RGS6: variants seen among roughly 807,000 people sequenced by gnomAD.
RGS6 encodes regulator of G protein signaling 6.
Under a neutral mutation model 78.5 loss-of-function variants are expected in RGS6, and 30 were observed. The ratio of observed to expected loss-of-function variants is 0.38; its 90% CI spans 0.29 to 0.52. The LOEUF is 0.52. Ranked by LOEUF, RGS6 falls within the 20% of genes least tolerant of loss-of-function variation. RGS6 has a pLI of 0.85. For synonymous variants in RGS6, 206 were observed against 206.0 expected (o/e 1.00, Z 0.00); for missense variants, 495 against 609.7 (o/e 0.81, Z 1.98).
intron 2 of RGS6, among the ~76,000 whole-genome samples, chr14:72,151,339 C>A (rs542126774): frequency 6.6e-6 from 1 of 152,154 alleles, no homozygotes; most frequent in African/African-American, 2.4e-5. Context: ...AAACAGATTG[C>A]GCATGTAATT....
chr14:72,509,741 T>C (rs1196621426), intron 13 of RGS6, among the ~76,000 whole-genome samples: 2 of 152,090 alleles, frequency 1.3e-5, no homozygotes, highest in African/African-American at 2.4e-5. Flanking sequence ...CCCCTGAGGA[T>C]TGAGGAAGGG....
intron 2 of RGS6, among the ~76,000 whole-genome samples, chr14:72,071,365 C>T (rs553776345): frequency 1.3e-5 from 2 of 152,276 alleles, no homozygotes; most frequent in African/African-American, 2.4e-5. Flanking sequence ...AGAACACTCT[C>T]GTACATGTCT....
chr14:72,286,913 A>G (rs1249488253), intron 2 of RGS6, among the ~76,000 whole-genome samples: 1 of 151,814 alleles, frequency 6.6e-6, no homozygotes, highest in Non-Finnish European at 1.5e-5. Flanking sequence ...CCTCCCAAGT[A>G]GCTGGGATTA....
upstream of RGS6, among the ~76,000 whole-genome samples, chr14:71,929,315 A>G (rs999540782): frequency 2.0e-5 from 3 of 152,190 alleles, no homozygotes; most frequent in African/African-American, 7.2e-5. Context: ...AACCATCTTT[A>G]CTATCATAGT....
At chr14:71,934,117 G>A (rs2088501304) in intron 1 of RGS6, among the ~76,000 whole-genome samples, 1 of 152,060 alleles carries the variant, frequency 6.6e-6, no homozygotes, top group Non-Finnish European at 1.5e-5. Flanking sequence ...TTTTTCAATG[G>A]GTGGGACTAC....
At chr14:72,147,765 G>A (rs2096625081) in intron 2 of RGS6, among the ~76,000 whole-genome samples, 1 of 152,222 alleles carries the variant, frequency 6.6e-6, no homozygotes, top group African/African-American at 2.4e-5. Flanking sequence ...GCAAGGAAGA[G>A]TACAGGTGGG....
At chr14:72,465,221 C>G (rs191581189) in intron 6 of RGS6, among the ~76,000 whole-genome samples, 2 of 152,152 alleles carry the variant, frequency 1.3e-5, no homozygotes, top group Admixed American at 1.3e-4. Context: ...GCCATCCTAA[C>G]GAGCCCAACC....
intron 2 of RGS6, among the ~76,000 whole-genome samples, chr14:72,068,498 A>ATT (rs11330539): frequency 0.24 from 27,791 of 117,110 alleles, 3,150 homozygotes; most frequent in Admixed American, 0.29. Flanking sequence ...CACTCTTCCT[A>ATT]TTTTTTTTTT....
intron 3 of RGS6, among the ~76,000 whole-genome samples, chr14:72,431,083 C>T (rs748021521): frequency 6.6e-6 from 1 of 152,128 alleles, no homozygotes; most frequent in African/African-American, 2.4e-5. Flanking sequence ...ATTTATTAAG[C>T]ATGTATACTA....
intron 2 of RGS6, among the ~76,000 whole-genome samples, chr14:72,047,800 A>C (rs2092960219): frequency 6.6e-6 from 1 of 151,288 alleles, no homozygotes; most frequent in Admixed American, 6.6e-5. Context: ...CGCTCAGTTC[A>C]CTGCAACCTC....
chr14:71,901,989 CT>C, the RGS6 span, among the ~76,000 whole-genome samples: 2 of 152,110 alleles, frequency 1.3e-5, no homozygotes, highest in African/African-American at 4.8e-5. Context: ...GTCTTCTAGC[CT>C]TTGTAAAGAT....
downstream of RGS6, among the ~76,000 whole-genome samples, chr14:72,570,947 G>A (rs984608865): frequency 6.6e-6 from 1 of 152,132 alleles, no homozygotes; most frequent in Non-Finnish European, 1.5e-5. Flanking sequence ...ACATGACCTT[G>A]ATAATCTTTG....
At chr14:72,595,070 A>T in the RGS6 span, 8 of 152,094 alleles carry the variant, frequency 5.3e-5, no homozygotes, top group Admixed American at 4.6e-4. Flanking sequence ...TAAATGATTC[A>T]TGGGGGACTC....
chr14:72,569,065 A>T (rs1173163254), downstream of RGS6, among the ~76,000 whole-genome samples: 1 of 152,138 alleles, frequency 6.6e-6, no homozygotes, highest in Non-Finnish European at 1.5e-5. Flanking sequence ...CCCTCAGTAG[A>T]GAACAGTGAA....
intron 2 of RGS6, among the ~76,000 whole-genome samples, chr14:72,345,173 C>G (rs2077777764): frequency 6.6e-6 from 1 of 152,142 alleles, no homozygotes; most frequent in South Asian, 2.1e-4. Context: ...TCCTTCCCAC[C>G]TTTCACAGAG....
intron 2 of RGS6, among the ~76,000 whole-genome samples, chr14:72,304,456 C>T (rs752148743): frequency 3.9e-4 from 59 of 152,314 alleles, no homozygotes; most frequent in Non-Finnish European, 6.5e-4. Context: ...TGGGTTTTTA[C>T]TCTTTGGTTC....
At chr14:72,392,749 T>C (rs1027666651) in intron 3 of RGS6, among the ~76,000 whole-genome samples, 2 of 152,044 alleles carry the variant, frequency 1.3e-5, no homozygotes, top group African/African-American at 4.8e-5. Context: ...AGCCACCCAG[T>C]CTACAATGTG....
At chr14:72,383,018 TTTC>T (rs1463671775) in intron 3 of RGS6, among the ~76,000 whole-genome samples, 5 of 151,816 alleles carry the variant, frequency 3.3e-5, no homozygotes, top group East Asian at 1.9e-4. Flanking sequence ...CTCATAATGT[TTTC>T]TTCTTTTTAC....
At chr14:72,625,884 TACAC>T in the RGS6 span, among the ~76,000 whole-genome samples, 1 of 152,334 alleles carries the variant, frequency 6.6e-6, no homozygotes, top group East Asian at 1.9e-4. Context: ...TTAGTCACAA[TACAC>T]AGTCATTAGT....
Sources: gnomAD v4.1 joint callset for allele counts (sites outside exome capture counted in the v4.1 genomes callset) on GRCh38, gnomAD v4.1.1 for gene constraint, MANE v1.5 for transcripts, NCBI Gene and HGNC (gene_info 2026-07-23, HGNC 2026-07-21) for gene names.